The following TMEM26 variants were observed in gnomAD, a reference collection of about 807,000 sequenced individuals.
TMEM26 encodes the protein transmembrane protein 26.
A neutral mutation model predicts 28.8 loss-of-function variants in TMEM26; 38 were observed. The observed-to-expected ratio is 1.32, with a 90% CI of 1.02 to 1.73. TMEM26 has a LOEUF of 1.73. Among genes scored for constraint, TMEM26 ranks in the 40% most tolerant of loss-of-function variants. TMEM26 has a pLI of 0.00. For synonymous variants in TMEM26, 227 were observed against 182.9 expected, an observed-to-expected ratio of 1.24 and a Z score of -1.95; for missense variants, 518 against 447.1, an observed-to-expected ratio of 1.16 and a Z score of -1.43.
At chr10:61,440,280 A>G (rs1311304333) in intron 1 of TMEM26, among the ~76,000 whole-genome samples, 3 of 152,152 alleles carry the variant, frequency 2.0e-5, no homozygotes, top group Non-Finnish European at 4.4e-5. Context: ...CTAAACCTAT[A>G]TAAAACTCCT....
chr10:61,445,356 C>T (rs1288841326), intron 1 of TMEM26, among the ~76,000 whole-genome samples: 3 of 152,142 alleles, frequency 2.0e-5, no homozygotes, highest in Admixed American at 1.3e-4. Flanking sequence ...ACAGGAACAA[C>T]CCCACCCCCT....
chr10:61,412,282 T>C, intron 5 of TMEM26, among the ~76,000 whole-genome samples: 1 of 152,102 alleles, frequency 6.6e-6, no homozygotes, highest in East Asian at 1.9e-4. Flanking sequence ...ATACATTTGT[T>C]TGTAATTACT....
At chr10:61,426,206 C>T (rs541812350) in intron 4 of TMEM26, among the ~76,000 whole-genome samples, 8 of 152,000 alleles carry the variant, frequency 5.3e-5, no homozygotes, top group Admixed American at 3.3e-4. Flanking sequence ...ATTCAAATTC[C>T]ATGAAATTTC....
chr10:61,417,067 T>C (rs1839663590), intron 4 of TMEM26, among the ~76,000 whole-genome samples: 1 of 151,974 alleles, frequency 6.6e-6, no homozygotes, highest in Non-Finnish European at 1.5e-5. Flanking sequence ...ACAGTAAAAA[T>C]TCTCAGGAAG....
intron 4 of TMEM26, among the ~76,000 whole-genome samples, chr10:61,423,016 G>T (rs1470294817): frequency 1.3e-5 from 2 of 151,758 alleles, no homozygotes; most frequent in Non-Finnish European, 2.9e-5. Context: ...GAAAAAGGAG[G>T]GTACCACAAC....
rs1314369274 is a variant in TMEM26 at position 61,409,350 on chromosome 10, T to G, written c.*972A>C. The stretch of plus-strand genomic sequence containing the variant: ...CTGATGCAACCCTCCATCACCATGT[T>G]CCCTGAGAGCAAAGGCCACTTCCAG... On this transcript the variant is annotated 3_prime_UTR_variant, in exon 6 of 6. Transcript: ENST00000399298. 6.6e-6 allele frequency: 1 copy of G among 152,208 alleles called. No homozygotes were observed. Among genetic ancestry groups the G allele is most frequent in the African/African-American group, 2.4e-5 (1 of 41,434 alleles). 9.4% of individuals were successfully genotyped at this position (152,208 alleles called of 1,614,324 possible).
At chr10:61,437,972 A>G (rs1245381889) in intron 1 of TMEM26, among the ~76,000 whole-genome samples, 1 of 152,202 alleles carries the variant, frequency 6.6e-6, no homozygotes, top group African/African-American at 2.4e-5. Context: ...GTTCGAGATG[A>G]AATGTTACCC....
At chr10:61,415,612 T>C (rs1183028701) in intron 4 of TMEM26, among the ~76,000 whole-genome samples, 1 of 152,064 alleles carries the variant, frequency 6.6e-6, no homozygotes, top group Non-Finnish European at 1.5e-5. Flanking sequence ...AATAATGTAG[T>C]TATGAGTGTT....
At chr10:61,451,992 T>G (rs1840290932) in intron 1 of TMEM26, among the ~76,000 whole-genome samples, 1 of 150,750 alleles carries the variant, frequency 6.6e-6, no homozygotes, top group South Asian at 2.1e-4. Flanking sequence ...TATTGATATA[T>G]ATATATATAT....
chr10:61,444,654 A>T (rs571405919), intron 1 of TMEM26, among the ~76,000 whole-genome samples: 44 of 66,036 alleles, frequency 6.7e-4, no homozygotes, highest in South Asian at 3.9e-3. Context: ...CTCATAATTT[A>T]AAAAAAAAAA....
chr10:61,452,684 C>T, intron 1 of TMEM26: 1 of 570,500 alleles, frequency 1.8e-6, no homozygotes, highest in South Asian at 2.3e-5. Context: ...ACAGATCGAG[C>T]CTTCCCAGTG....
intron 3 of TMEM26, 128 bp from the exon 4 acceptor site, chr10:61,429,274 T>G: frequency 2.7e-6 from 2 of 733,552 alleles, no homozygotes; most frequent in Non-Finnish European, 4.4e-6. Context: ...TATTCTTTAC[T>G]TACTAAAGAA....
Position 61,429,004 on chromosome 10 carries a change from TGA to T in TMEM26, c.525_526del (p.Gln176ThrfsTer11). 1.2e-6 allele frequency: 2 copies of T among 1,613,356 alleles called. No homozygotes were observed. Among genetic ancestry groups the T allele is most frequent in the Non-Finnish European group, 1.7e-6 (2 of 1,179,458 alleles). On this transcript the variant is annotated frameshift_variant, in exon 4 of 6. Coordinates refer to ENST00000399298, the MANE Select transcript of TMEM26 (RefSeq NM_178505.8). LOFTEE classifies it high-confidence loss of function. Reference sequence around the variant, plus strand: ...TGTCCCCACAAACATAAGAAGAAGTTGAGAGAGTTGATCTCGAGTGATCCCGC... The same window carrying T: ...TGTCCCCACAAACATAAGAAGAAGTTGAGAGTTGATCTCGAGTGATCCCGC...
chr10:61,421,412 G>T (rs1839745003), intron 4 of TMEM26, among the ~76,000 whole-genome samples: 1 of 152,106 alleles, frequency 6.6e-6, no homozygotes, highest in South Asian at 2.1e-4. Context: ...GTACCAGCTT[G>T]AATAGTGTCC....
At chr10:61,414,350 A>T (rs1275452683) in intron 4 of TMEM26, 2 of 152,162 alleles carry the variant, frequency 1.3e-5, no homozygotes, top group Non-Finnish European at 2.9e-5. Flanking sequence ...TGGTAGCATA[A>T]TAATAGATTT....
intron 4 of TMEM26, among the ~76,000 whole-genome samples, chr10:61,419,996 G>T (rs1281271490): frequency 6.6e-6 from 1 of 152,188 alleles, no homozygotes; most frequent in Non-Finnish European, 1.5e-5. Flanking sequence ...GTGGGGGTTA[G>T]TTAAGGGAAC....
chr10:61,417,492 C>T (rs1839672875), intron 4 of TMEM26, among the ~76,000 whole-genome samples: 1 of 145,056 alleles, frequency 6.9e-6, no homozygotes, highest in Non-Finnish European at 1.5e-5. Flanking sequence ...TGACAAATAC[C>T]ACCAGAAAAG....
At chr10:61,411,431 A>G (rs879298867) in intron 5 of TMEM26, among the ~76,000 whole-genome samples, 5 of 152,186 alleles carry the variant, frequency 3.3e-5, no homozygotes, top group Non-Finnish European at 5.9e-5. Flanking sequence ...CGTGGCTCTG[A>G]TCATTCTATA....
chr10:61,415,068 T>C, intron 4 of TMEM26: 1 of 985,310 alleles, frequency 1.0e-6, no homozygotes, highest in Non-Finnish European at 1.2e-6. Flanking sequence ...ATGGAAGGCT[T>C]CTCACATGCA....
Sources: gnomAD v4.1 joint callset for allele counts (sites outside exome capture counted in the v4.1 genomes callset) on GRCh38, gnomAD v4.1.1 for gene constraint, MANE v1.5 for transcripts, NCBI Gene and HGNC (gene_info 2026-07-23, HGNC 2026-07-21) for gene names.